Variants in LRPAP1 observed in about 807,000 individuals in gnomAD.
LRPAP1 encodes alpha-2-macroglobulin receptor-associated protein.
LRPAP1 carries 41 observed loss-of-function variants against 39.9 expected under a neutral mutation model. That is an observed-to-expected ratio of 1.03 (90% confidence interval 0.80 to 1.33). The LOEUF is 1.33. Among genes scored for constraint, LRPAP1 ranks in the 40% most tolerant of loss-of-function variants. LRPAP1 has a pLI of 0.00. For missense variants in LRPAP1, 565 were observed against 482.3 expected, an observed-to-expected ratio of 1.17 and a Z score of -1.61; for synonymous variants, 263 against 212.7, an observed-to-expected ratio of 1.24 and a Z score of -2.06.
At chr4:3,515,027 T>C in intron 6 of LRPAP1, 99 bp from the exon 7 acceptor site, 7 of 1,204,468 alleles carry the variant, frequency 5.8e-6, no homozygotes, top group South Asian at 1.4e-5. Flanking sequence ...GACGGCGCCA[T>C]ACCCGGGGCA....
chr4:3,519,177 C>A (rs1160360246), intron 3 of LRPAP1, among the ~76,000 whole-genome samples, 186 bp from the exon 4 acceptor site: 1 of 152,228 alleles, frequency 6.6e-6, no homozygotes, highest in Non-Finnish European at 1.5e-5. Context: ...CAGGCAACCA[C>A]CCTTCTCTTG....
intron 1 of LRPAP1, among the ~76,000 whole-genome samples, chr4:3,531,087 C>CCCTT (rs905633557): frequency 2.2e-4 from 34 of 152,238 alleles, no homozygotes; most frequent in African/African-American, 7.7e-4. Flanking sequence ...CCTCCAGAAT[C>CCCTT]CCTTCCTCCA....
chr4:3,530,619 C>G (rs1022599578), intron 1 of LRPAP1, among the ~76,000 whole-genome samples: 1 of 152,196 alleles, frequency 6.6e-6, no homozygotes, highest in Non-Finnish European at 1.5e-5. Flanking sequence ...TGACCCAACC[C>G]AAGACTGAAA....
chr4:3,514,287 G>T (rs1447043060), intron 7 of LRPAP1, among the ~76,000 whole-genome samples: 2 of 152,232 alleles, frequency 1.3e-5, no homozygotes, highest in Non-Finnish European at 2.9e-5. Flanking sequence ...CCTCCAGAAA[G>T]AACTTGGCAT....
intron 1 of LRPAP1, 150 bp downstream of exon 1, chr4:3,532,059 T>TG (rs926799140): frequency 4.1e-5 from 35 of 859,174 alleles, no homozygotes; most frequent in Non-Finnish European, 6.1e-5. Context: ...ACCTGACACT[T>TG]GGGGGAGGCT....
chr4:3,505,082 C>G lies in LRPAP1; in HGVS notation c.*7892G>C, dbSNP rs1208834756. The stretch of plus-strand genomic sequence containing the variant: ...AGGCTAAAATAATCATGTGCCCTAC[C>G]ATGCACGCAGCCATGGTGGCCCGGG... On this transcript the variant is annotated 3_prime_UTR_variant, in exon 8 of 8. Coordinates refer to ENST00000650182, the MANE Select transcript of LRPAP1 (RefSeq NM_002337.4). Among the ~76,000 whole-genome samples the G allele has an allele frequency of 6.6e-6, 1 of 152,198 alleles. No individual in the cohort carries two copies.
Position 3,525,023 on chromosome 4 carries a change from T to C in LRPAP1, c.233A>G (p.Glu78Gly). 1 of 1,613,996 alleles carries C rather than the reference T, an allele frequency of 6.2e-7. No homozygotes were observed. Among genetic ancestry groups the C allele is most frequent in the Non-Finnish European group, 8.5e-7 (1 of 1,180,022 alleles). Residue 78 changes from glutamate to glycine, a missense_variant, in exon 2 of 8, where the codon GAG becomes GGG. Glu to Gly is a moderately conservative substitution (Grantham distance 98). Coordinates refer to ENST00000650182, the MANE Select transcript of LRPAP1 (RefSeq NM_002337.4). ...CTGTATCTTCAGATCAGCGTGGAGC[T>C]CGGCCAGCCTCACGGGAGGAAGATG... ...RLHLPPVRLA[E>G]LHADLKIQER...
rs1341049438 is a variant in LRPAP1 at position 3,509,309 on chromosome 4, G to A, written c.*3665C>T. The A allele has an allele frequency of 4.6e-5, 1 of 21,738 alleles. No individual in the cohort carries two copies. The highest frequency in any genetic ancestry group is 8.9e-5 in the Non-Finnish European group (1 of 11,266). The allele number at this position is 21,738 out of a possible 1,614,324, so 1.3% of individuals were successfully genotyped here. ...TGAGACGCCGACTGGAGTCACACAC[G>A]GCAGTCAACGCGTGGACACCGGAGA... is the stretch of plus-strand genomic sequence containing the variant. On this transcript the variant is annotated 3_prime_UTR_variant, in exon 8 of 8. Transcript: ENST00000650182.
chr4:3,530,135 G>A (rs111772594), intron 1 of LRPAP1, among the ~76,000 whole-genome samples: 1 of 152,174 alleles, frequency 6.6e-6, no homozygotes, highest in Non-Finnish European at 1.5e-5. Context: ...CCCTACGTTT[G>A]AACTGACTGT....
intron 3 of LRPAP1, among the ~76,000 whole-genome samples, 174 bp from the exon 4 acceptor site, chr4:3,519,165 G>A (rs1156595023): frequency 6.6e-6 from 1 of 152,214 alleles, no homozygotes; most frequent in Non-Finnish European, 1.5e-5. Context: ...AAGAGCTGCC[G>A]GCAGGCAACC....
At chr4:3,520,026 C>T (rs747757132) in intron 3 of LRPAP1, 46 bp downstream of exon 3, 15 of 1,547,562 alleles carry the variant, frequency 9.7e-6, no homozygotes, top group Admixed American at 8.7e-5. Flanking sequence ...TAACACTCAA[C>T]GTAACGGCAC....
chr4:3,515,150 T>C (rs1026237018), intron 6 of LRPAP1, among the ~76,000 whole-genome samples: 3 of 152,150 alleles, frequency 2.0e-5, no homozygotes, highest in African/African-American at 7.2e-5. Flanking sequence ...ACCCCTTCCC[T>C]GTCTCTGCAA....
rs1282146560 is a variant in LRPAP1 at position 3,532,261 on chromosome 4, C to T, written c.152G>A (p.Gly51Glu). The T allele has an allele frequency of 1.3e-6, 2 of 1,553,928 alleles. No individual in the cohort carries two copies. The highest frequency in any genetic ancestry group is 1.7e-6 in the Non-Finnish European group (2 of 1,148,300). ...CAACTTCTCCATGCGGAACTCCTCT[C>T]CGGACTCGCGTTTCGGGGACGGCTT... ...QPKPSPKRESGEEFRMEKLNQ... is the reference protein window; with the variant it reads ...QPKPSPKRESEEEFRMEKLNQ... Residue 51 changes from glycine (G) to glutamate (E), a missense_variant, in exon 1 of 8, where the codon GGA (glycine) becomes GAA (glutamate). Physicochemically the swap from Gly to Glu is moderately conservative, Grantham distance 98. Coordinates refer to ENST00000650182, the MANE Select transcript of LRPAP1 (RefSeq NM_002337.4).
At chr4:3,515,842 A>G (rs1456005235) in intron 6 of LRPAP1, 16 of 496,672 alleles carry the variant, frequency 3.2e-5, no homozygotes. Flanking sequence ...ACTGTTGACC[A>G]TCCACAGGAC....
intron 4 of LRPAP1, 45 bp downstream of exon 4, chr4:3,518,826 G>T: frequency 7.6e-7 from 1 of 1,313,498 alleles, no homozygotes; most frequent in East Asian, 2.5e-5. Flanking sequence ...TGGGGGGCAG[G>T]AGGGGGTGGG....
rs1378954589 is a variant in LRPAP1 at position 3,510,365 on chromosome 4, G to C, written c.*2609C>G. 2.6e-5 allele frequency: 4 copies of C among 152,260 alleles called. No individual in the cohort carries two copies. The highest frequency in any genetic ancestry group is 9.6e-5 in the African/African-American group (4 of 41,470). 9.4% of individuals were successfully genotyped at this position (152,260 alleles called of 1,614,324 possible). A position where few individuals can be genotyped will look rare whatever the true frequency, so the allele number is the denominator to read the frequency against. ...GGAGACTGAGGCGAGGGGATTGCTG[G>C]AGTATGGGAGGTCAAGGGTGCAGTG... On this transcript the variant is annotated 3_prime_UTR_variant, in exon 8 of 8. Coordinates refer to ENST00000650182, the MANE Select transcript of LRPAP1 (RefSeq NM_002337.4).
chr4:3,531,994 G>A (rs1284278622), intron 1 of LRPAP1: 18 of 596,732 alleles, frequency 3.0e-5, no homozygotes, highest in Non-Finnish European at 4.9e-5. Context: ...TGCTTCACAC[G>A]GCGTCGTCGC....
chr4:3,509,858 C>T lies in LRPAP1; in HGVS notation c.*3116G>A, dbSNP rs532830915. The T allele has an allele frequency of 1.0e-3, 154 of 151,548 alleles. No individual in the cohort carries two copies. Among genetic ancestry groups the T allele is most frequent in the African/African-American group, 3.4e-3 (139 of 41,058 alleles). 9.4% of individuals were successfully genotyped at this position (151,548 alleles called of 1,614,324 possible). A position where few individuals can be genotyped will look rare whatever the true frequency, so the allele number is the denominator to read the frequency against. ...TTGAGACGCCGACTGGAGTCACACA[C>T]GGCAGTCAACGCGTGGACACTGGAG... On this transcript the variant is annotated 3_prime_UTR_variant, in exon 8 of 8. Transcript: ENST00000650182.
At position 3,521,888 on chromosome 4, in the gene LRPAP1, C is replaced by A. The variant is rs1729920736; in HGVS notation, c.350-1695G>T. Among the ~76,000 whole-genome samples the A allele has an allele frequency of 3.9e-5, 6 of 152,202 alleles. No homozygotes were observed. The South Asian group carries it at 1.2e-3, about 32-fold the overall frequency. On this transcript the variant is annotated intron_variant, in intron 2 of 7. Coordinates refer to ENST00000650182, the MANE Select transcript of LRPAP1 (RefSeq NM_002337.4). ...CGGTGGCTCATGCCTGTGATCCCAG[C>A]ACTTTGGGAGGCCAAGGCAGGAGGG...
Sources: gnomAD v4.1 joint callset for allele counts (sites outside exome capture counted in the v4.1 genomes callset) on GRCh38, gnomAD v4.1.1 for gene constraint, MANE v1.5 for transcripts, NCBI Gene and HGNC (gene_info 2026-07-23, HGNC 2026-07-21) for gene names.